TENT4B: variants seen among roughly 807,000 people sequenced by gnomAD.
TENT4B encodes PAP associated domain containing 5.
Under a neutral mutation model 75.0 loss-of-function variants are expected in TENT4B, and 10 were observed. That is an observed-to-expected ratio of 0.13 (90% CI 0.08 to 0.23). The LOEUF (loss-of-function observed/expected upper bound fraction) is 0.23. TENT4B is among the 10% of genes least tolerant of loss of function. The pLI is 1.00. For synonymous variants in TENT4B, 350 were observed against 357.7 expected (o/e 0.98, Z 0.24); for missense variants, 579 against 893.8 (o/e 0.65, Z 4.49).
chr16:50,171,693 A>G (rs956126334), intron 1 of TENT4B, among the ~76,000 whole-genome samples: 2 of 152,136 alleles, frequency 1.3e-5, no homozygotes, highest in African/African-American at 4.8e-5. Flanking sequence ...GGCCAGGCAC[A>G]GTGACTTATG....
chr16:50,153,067 G>C (rs771493348), upstream of TENT4B: 28 of 1,446,610 alleles, frequency 1.9e-5, no homozygotes, highest in Non-Finnish European at 1.6e-5. Flanking sequence ...GCGCAAGTAC[G>C]GTTGGGCCAG....
At chr16:50,153,183 T>TGGGGGGGGGGGGGGGGGGGGGGGGG (rs760198722), upstream of TENT4B, among the ~76,000 whole-genome samples, 1 of 21,122 alleles carries the variant, frequency 4.7e-5, no homozygotes, top group Non-Finnish European at 9.5e-5. Context: ...GGCGGGGCGG[T>TGGGGGGGGGGGGGGGGGGGGGGGGG]GGGGGGGGGG....
intron 2 of TENT4B, among the ~76,000 whole-genome samples, chr16:50,212,840 G>A (rs2031357143): frequency 6.6e-6 from 1 of 152,090 alleles, no homozygotes; most frequent in Non-Finnish European, 1.5e-5. Flanking sequence ...AACAGTATAG[G>A]CCCTTACAAC....
intron 2 of TENT4B, among the ~76,000 whole-genome samples, chr16:50,213,882 G>A (rs977737046): frequency 1.3e-5 from 2 of 152,160 alleles, no homozygotes; most frequent in African/African-American, 2.4e-5. Context: ...AGCATAGGTT[G>A]CATGCAAATA....
intron 10 of TENT4B, 94 bp from the exon 11 acceptor site, chr16:50,227,745 C>A: frequency 7.3e-7 from 1 of 1,365,052 alleles, no homozygotes; most frequent in Non-Finnish European, 1.0e-6. Flanking sequence ...AAATTTAGTC[C>A]AGAGAGTACT....
At chr16:50,207,964 T>G (rs17286831) in intron 1 of TENT4B, among the ~76,000 whole-genome samples, 6,220 of 152,332 alleles carry the variant, frequency 0.041, 153 homozygotes, top group Non-Finnish European at 0.063. Context: ...AAATCTGTAC[T>G]TGAAGTTTAT....
chr16:50,161,952 A>C lies in TENT4B; in HGVS notation c.638+7693A>C, dbSNP rs571883240. On this transcript the variant is annotated intron_variant, in intron 1 of 11. Transcript: ENST00000561678. Reference sequence around the variant, plus strand: ...CTACTCCATCACCTCAGGGCTCCCTATGCTACCACTTTATAGCCGCACGCA... The same window carrying C: ...CTACTCCATCACCTCAGGGCTCCCTCTGCTACCACTTTATAGCCGCACGCA... Among the ~76,000 whole-genome samples the C allele has an allele frequency of 7.2e-5, 11 of 152,254 alleles. No homozygotes were observed. In the East Asian group the frequency reaches 1.9e-3, roughly 27 times the overall value.
Position 50,231,558 on chromosome 16 carries a change from T to C in TENT4B, c.*2230T>C. 1.0e-6 allele frequency: 1 copy of C among 985,828 alleles called. No homozygotes were observed. The highest frequency in any genetic ancestry group is 1.7e-5 in the African/African-American group (1 of 57,354). 61.1% of individuals were successfully genotyped at this position (985,828 alleles called of 1,614,324 possible). On this transcript the variant is annotated 3_prime_UTR_variant, in exon 12 of 12. Transcript: ENST00000561678. ...GTGTTCCAATAAGCATGTGATTATA[T>C]TAAGGTGGTGGTAGCGGGAAGATAA...
At chr16:50,179,995 G>A (rs1042248473) in intron 1 of TENT4B, among the ~76,000 whole-genome samples, 3 of 151,948 alleles carry the variant, frequency 2.0e-5, no homozygotes, top group Admixed American at 6.6e-5. Flanking sequence ...TTCTAAGTGC[G>A]GTTCTCAATC....
At position 50,227,759 on chromosome 16, in the gene TENT4B, A is replaced by G. The variant is rs2032117427; in HGVS notation, c.1801-80A>G. ...TAAATTTAGTCCAGAGAGTACTTTA[A>G]CCAAAATTGTTTTTCTTTCTGAATA... On this transcript the variant is annotated intron_variant, in intron 10 of 11. Transcript: ENST00000561678. 2.0e-6 allele frequency: 3 copies of G among 1,515,908 alleles called. No individual in the cohort carries two copies. The Admixed American group carries it at 5.3e-5, about 27-fold the overall frequency. 93.9% of individuals were successfully genotyped at this position (1,515,908 alleles called of 1,614,324 possible).
intron 2 of TENT4B, among the ~76,000 whole-genome samples, chr16:50,212,899 C>T (rs1261087466): frequency 1.3e-5 from 2 of 152,156 alleles, no homozygotes; most frequent in Non-Finnish European, 2.9e-5. Context: ...CGTGATCTAA[C>T]TTAACCCTTA....
chr16:50,184,582 G>A (rs1288036229), intron 1 of TENT4B, among the ~76,000 whole-genome samples: 1 of 152,168 alleles, frequency 6.6e-6, no homozygotes, highest in Non-Finnish European at 1.5e-5. Context: ...CAGGAGAATG[G>A]CGTAAACCCG....
chr16:50,195,224 C>T (rs1258576787), intron 1 of TENT4B, among the ~76,000 whole-genome samples: 1 of 152,208 alleles, frequency 6.6e-6, no homozygotes, highest in East Asian at 1.9e-4. Context: ...TAGGTAAGAG[C>T]TTCTTTGAAA....
chr16:50,230,055 G>C lies in TENT4B; in HGVS notation c.*727G>C. 6 of 984,682 alleles carry C rather than the reference G, an allele frequency of 6.1e-6. No homozygotes were observed. Among genetic ancestry groups the C allele is most frequent in the Non-Finnish European group, 7.2e-6 (6 of 829,756 alleles). The allele number at this position is 984,682 out of a possible 1,614,324, so 61.0% of individuals were successfully genotyped here. A position where few individuals can be genotyped will look rare whatever the true frequency, so the allele number is the denominator to read the frequency against. On this transcript the variant is annotated 3_prime_UTR_variant, in exon 12 of 12. Coordinates refer to ENST00000561678, the MANE Select transcript of TENT4B (RefSeq NM_001365324.3). ...TGACTTAATAGAACCCTTGTGTCCT[G>C]CTGCAAAAATTTTTCCTCTCTAAAG...
rs2032327292 is a variant in TENT4B at position 50,232,507 on chromosome 16, T to G, written c.*3179T>G. 1.0e-6 allele frequency: 1 copy of G among 985,270 alleles called. No individual in the cohort carries two copies. Among genetic ancestry groups the G allele is most frequent in the South Asian group, 4.7e-5 (1 of 21,286 alleles). 61.0% of individuals were successfully genotyped at this position (985,270 alleles called of 1,614,324 possible). A position where few individuals can be genotyped will look rare whatever the true frequency, so the allele number is the denominator to read the frequency against. On this transcript the variant is annotated 3_prime_UTR_variant, in exon 12 of 12. Coordinates refer to ENST00000561678, the MANE Select transcript of TENT4B (RefSeq NM_001365324.3). ...TTTTTCTGCTGGAACCTTATATCTC[T>G]CCATGTGTTTTCTGCTCCTTCCCTC...
In TENT4B at chr16:50,229,422, A is replaced by G. The variant is rs1307325379; in HGVS notation, c.*94A>G. The G allele has an allele frequency of 6.1e-6, 9 of 1,473,648 alleles. No individual in the cohort carries two copies. Among genetic ancestry groups the G allele is most frequent in the Non-Finnish European group, 8.0e-6 (9 of 1,120,098 alleles). The allele number at this position is 1,473,648 out of a possible 1,614,324, so 91.3% of individuals were successfully genotyped here. A position where few individuals can be genotyped will look rare whatever the true frequency, so the allele number is the denominator to read the frequency against. On this transcript the variant is annotated 3_prime_UTR_variant, in exon 12 of 12. Coordinates refer to ENST00000561678, the MANE Select transcript of TENT4B (RefSeq NM_001365324.3). ...CCTGGGAGATATTCAGGAGCCTCAC[A>G]CTGTTCAGACGTTGACTTAGCAACT...
intron 1 of TENT4B, among the ~76,000 whole-genome samples, chr16:50,174,440 G>T (rs1467891572): frequency 6.6e-6 from 1 of 151,960 alleles, no homozygotes; most frequent in Non-Finnish European, 1.5e-5. Context: ...TGTATTTTTT[G>T]ATTCTTTTAA....
chr16:50,231,580 A>G lies in TENT4B; in HGVS notation c.*2252A>G, dbSNP rs1466650257. On this transcript the variant is annotated 3_prime_UTR_variant, in exon 12 of 12. Coordinates refer to ENST00000561678, the MANE Select transcript of TENT4B (RefSeq NM_001365324.3). The stretch of plus-strand genomic sequence containing the variant: ...ATATTAAGGTGGTGGTAGCGGGAAG[A>G]TAATTCTGATTCCATTGGGAATCTT... 1.0e-6 allele frequency: 1 copy of G among 985,764 alleles called. No homozygotes were observed. The highest frequency in any genetic ancestry group is 1.7e-5 in the African/African-American group (1 of 57,250). The allele number at this position is 985,764 out of a possible 1,614,324, so 61.1% of individuals were successfully genotyped here.
intron 3 of TENT4B, among the ~76,000 whole-genome samples, chr16:50,214,720 A>G (rs772761916): frequency 7.2e-5 from 11 of 152,214 alleles, no homozygotes; most frequent in Non-Finnish European, 1.6e-4. Flanking sequence ...CTTGAAGTAG[A>G]ATATCACTTC....
Sources: allele counts gnomAD v4.1 joint callset (sites outside exome capture counted in the v4.1 genomes callset), GRCh38; gene constraint gnomAD v4.1.1; transcripts MANE v1.5; gene names NCBI Gene and HGNC (gene_info 2026-07-23, HGNC 2026-07-21).